The following ULK4 variants were observed in gnomAD, a reference collection of about 807,000 sequenced individuals.
ULK4 encodes unc-51 like kinase 4.
Under a neutral mutation model 160.6 loss-of-function variants are expected in ULK4, and 133 were observed. The ratio of observed to expected loss-of-function variants is 0.83; its 90% CI spans 0.72 to 0.96. ULK4 has a LOEUF of 0.96. Ranked by LOEUF, ULK4 falls within the 40% of genes least tolerant of loss-of-function variation. The pLI, the probability that ULK4 is intolerant of heterozygous loss-of-function variation, is 0.00. For missense variants in ULK4, 1,580 were observed against 1,499.5 expected, an observed-to-expected ratio of 1.05 and a Z score of -0.89; for synonymous variants, 534 against 539.8, an observed-to-expected ratio of 0.99 and a Z score of 0.15.
chr3:41,542,850 T>G (rs1233346050), intron 32 of ULK4, among the ~76,000 whole-genome samples: 2 of 152,102 alleles, frequency 1.3e-5, no homozygotes, highest in African/African-American at 4.8e-5. Context: ...AAACAAAGTT[T>G]TTAACTGAAT....
At chr3:41,512,316 T>C (rs976472849) in intron 32 of ULK4, among the ~76,000 whole-genome samples, 2 of 152,154 alleles carry the variant, frequency 1.3e-5, no homozygotes, top group East Asian at 3.9e-4. Context: ...ACATCCACAT[T>C]GGCAAAGATA....
At chr3:41,807,468 A>G (rs1422711997) in intron 19 of ULK4, among the ~76,000 whole-genome samples, 2 of 152,190 alleles carry the variant, frequency 1.3e-5, no homozygotes, top group African/African-American at 4.8e-5. Context: ...GATATTGAGT[A>G]ATGTCTAAGT....
At chr3:41,545,283 T>C (rs1012233057) in intron 32 of ULK4, among the ~76,000 whole-genome samples, 1 of 152,240 alleles carries the variant, frequency 6.6e-6, no homozygotes, top group African/African-American at 2.4e-5. Context: ...CTGGTATCTC[T>C]TCCTTTTAGC....
At chr3:41,853,920 A>AC (rs35201233) in intron 17 of ULK4, among the ~76,000 whole-genome samples, 23 of 151,976 alleles carry the variant, frequency 1.5e-4, no homozygotes, top group Non-Finnish European at 2.6e-4. Context: ...CATGCATGTG[A>AC]CCCCCCTTCA....
rs143038270 is a variant in ULK4 at position 41,620,860 on chromosome 3, G to A, written c.3072-5143C>T. On this transcript the variant is annotated intron_variant, in intron 30 of 36. Coordinates refer to ENST00000301831, the MANE Select transcript of ULK4 (RefSeq NM_017886.4). The stretch of plus-strand genomic sequence containing the variant: ...TGCAGATGACATTTTTATATATTTA[G>A]AAAACCCCATCATCTCAGCCCAAAA... 9.2e-3 allele frequency among the ~76,000 whole-genome samples: 1,402 copies of A among 152,216 alleles called. 25 individuals are homozygous for A. The highest frequency in any genetic ancestry group is 0.031 in the African/African-American group (1,296 of 41,530).
intron 35 of ULK4, among the ~76,000 whole-genome samples, chr3:41,298,299 A>G (rs925641252): frequency 3.9e-5 from 6 of 152,234 alleles, no homozygotes; most frequent in Non-Finnish European, 7.3e-5. Flanking sequence ...ATTGGGATTC[A>G]AAAGACGAAC....
intron 35 of ULK4, among the ~76,000 whole-genome samples, chr3:41,288,756 C>G (rs1004883560): frequency 2.0e-5 from 3 of 152,202 alleles, no homozygotes; most frequent in African/African-American, 4.8e-5. Context: ...CCTTATACCC[C>G]CAGTGTATCA....
intron 33 of ULK4, 101 bp downstream of exon 33, chr3:41,462,986 A>G (rs2083725325): frequency 1.2e-5 from 16 of 1,364,390 alleles, no homozygotes; most frequent in East Asian, 7.0e-5. Flanking sequence ...ATTCTTTTAA[A>G]TAAGTAAAGA....
At chr3:41,855,355 G>A (rs2042311051) in intron 17 of ULK4, among the ~76,000 whole-genome samples, 1 of 152,160 alleles carries the variant, frequency 6.6e-6, no homozygotes, top group Non-Finnish European at 1.5e-5. Context: ...ATATAATCCA[G>A]GTACTGCCAC....
chr3:41,696,042 G>A (rs1347572319), intron 27 of ULK4, among the ~76,000 whole-genome samples: 5 of 152,180 alleles, frequency 3.3e-5, no homozygotes, highest in Admixed American at 2.0e-4. Flanking sequence ...CAAGCGGACC[G>A]TGGTCTAGCA....
At chr3:41,647,137 A>T (rs1052957753) in intron 30 of ULK4, among the ~76,000 whole-genome samples, 6 of 151,946 alleles carry the variant, frequency 3.9e-5, no homozygotes, top group Non-Finnish European at 7.4e-5. Context: ...CTTGGGTTTG[A>T]ATTTTCTCCT....
chr3:41,562,579 G>C (rs936706142), intron 32 of ULK4, among the ~76,000 whole-genome samples: 10 of 152,058 alleles, frequency 6.6e-5, no homozygotes, highest in African/African-American at 2.4e-4. Flanking sequence ...GGATAGTTAG[G>C]TCTTCTTGTT....
At chr3:41,322,615 G>T (rs1333874786) in intron 35 of ULK4, among the ~76,000 whole-genome samples, 1 of 152,146 alleles carries the variant, frequency 6.6e-6, no homozygotes, top group Non-Finnish European at 1.5e-5. Context: ...TTTCTTCAAA[G>T]CTCCCTGGTA....
chr3:41,625,540 G>A (rs146006576), intron 30 of ULK4, among the ~76,000 whole-genome samples: 104 of 152,222 alleles, frequency 6.8e-4, no homozygotes, highest in African/African-American at 2.3e-3. Flanking sequence ...CTCAGGCCTC[G>A]CAGAGGCCAA....
At chr3:41,493,065 GC>G (rs1481410322) in intron 32 of ULK4, among the ~76,000 whole-genome samples, 1 of 104,686 alleles carries the variant, frequency 9.6e-6, no homozygotes, top group Non-Finnish European at 2.1e-5. Context: ...ACTCAGCTCT[GC>G]ACCAAGCGGA....
chr3:41,636,298 G>C (rs375703952), intron 30 of ULK4, among the ~76,000 whole-genome samples: 2 of 152,110 alleles, frequency 1.3e-5, no homozygotes, highest in East Asian at 3.9e-4. Context: ...ACTTTGGGAG[G>C]CCGAGGTGGG....
rs184877307 is a variant in ULK4 at position 41,477,751 on chromosome 3, C to T, written c.3227-14498G>A. ...TGTAAGTATCTGTGAACTGTGGGGT[C>T]GCCATGGAGCCATGGAGCACCAAGG... On this transcript the variant is annotated intron_variant, in intron 32 of 36. Transcript: ENST00000301831. 4.2e-3 allele frequency among the ~76,000 whole-genome samples: 636 copies of T among 152,308 alleles called. 4 individuals are homozygous for T. The highest frequency in any genetic ancestry group is 5.7e-3 in the Non-Finnish European group (389 of 68,024).
intron 12 of ULK4, among the ~76,000 whole-genome samples, chr3:41,902,391 A>G (rs1418987114): frequency 6.6e-6 from 1 of 152,112 alleles, no homozygotes; most frequent in East Asian, 1.9e-4. Context: ...CAGCCTGACC[A>G]ACATGGTGAA....
At chr3:41,520,264 T>C (rs1445312570) in intron 32 of ULK4, among the ~76,000 whole-genome samples, 1 of 151,942 alleles carries the variant, frequency 6.6e-6, no homozygotes, top group Admixed American at 6.6e-5. Flanking sequence ...TCAGTCCCTA[T>C]AAATTTGATT....
Sources: allele counts gnomAD v4.1 joint callset (sites outside exome capture counted in the v4.1 genomes callset), GRCh38; gene constraint gnomAD v4.1.1; transcripts MANE v1.5; gene names NCBI Gene and HGNC (gene_info 2026-07-23, HGNC 2026-07-21).